ABHD18: variants seen among roughly 807,000 people sequenced by gnomAD.
The protein encoded by ABHD18 is cardiolipin-specific deacylase, mitochondrial.
In ABHD18, 55 loss-of-function variants were observed where a neutral mutation model predicts 65.9. That is an observed-to-expected ratio of 0.84 (90% CI 0.67 to 1.05). The LOEUF (loss-of-function observed/expected upper bound fraction) is 1.05. ABHD18 is among the 50% of genes least tolerant of loss of function. The pLI, the probability that ABHD18 is intolerant of heterozygous loss-of-function variation, is 0.00. For synonymous variants in ABHD18, 181 were observed against 180.2 expected (o/e 1.00, Z -0.04); for missense variants, 533 against 558.5 (o/e 0.95, Z 0.46).
chr4:127,975,636 T>C (rs1298281492), intron 1 of ABHD18, among the ~76,000 whole-genome samples: 1 of 152,220 alleles, frequency 6.6e-6, no homozygotes, highest in East Asian at 1.9e-4. Context: ...AAGAAGCTTC[T>C]GCCAAATTCT....
chr4:127,973,946 G>T (rs1747370669), intron 1 of ABHD18, among the ~76,000 whole-genome samples: 1 of 150,904 alleles, frequency 6.6e-6, no homozygotes, highest in Non-Finnish European at 1.5e-5. Flanking sequence ...GCCTACAGAT[G>T]AAAATGAAGC....
chr4:128,032,945 CTG>C lies in ABHD18; in HGVS notation c.1343+2274_1343+2275del, dbSNP rs765602848. Among the ~76,000 whole-genome samples the C allele has an allele frequency of 4.5e-4, 68 of 152,098 alleles. 1 individual carries two copies. Among genetic ancestry groups the C allele is most frequent in the African/African-American group, 1.6e-3 (66 of 41,424 alleles). On this transcript the variant is annotated intron_variant, in intron 12 of 12. Coordinates refer to ENST00000645843, the MANE Select transcript of ABHD18 (RefSeq NM_001358451.3). ...CAAGAGCAAGTGCCTGGAACTAACT[CTG>C]AGGAAAAAAATTATCCAGTGGGTGG... is the stretch of plus-strand genomic sequence containing the variant.
chr4:128,016,877 G>A (rs72681868), intron 7 of ABHD18, among the ~76,000 whole-genome samples: 3,480 of 152,212 alleles, frequency 0.023, 69 homozygotes, highest in Non-Finnish European at 0.035. Context: ...AGTTTTAGGT[G>A]ATTTGATATG....
intron 10 of ABHD18, among the ~76,000 whole-genome samples, chr4:128,026,972 G>A (rs1314880685): frequency 2.0e-5 from 3 of 151,958 alleles, no homozygotes; most frequent in Non-Finnish European, 2.9e-5. Flanking sequence ...AGTAGAGACA[G>A]AGTTTCACCA....
At chr4:127,983,983 G>A (rs1435395967) in intron 2 of ABHD18, among the ~76,000 whole-genome samples, 2 of 152,240 alleles carry the variant, frequency 1.3e-5, no homozygotes, top group East Asian at 1.9e-4. Context: ...AGGTTGCAGT[G>A]AGCTGAGATT....
chr4:127,978,206 T>C (rs569598195), intron 1 of ABHD18, among the ~76,000 whole-genome samples: 127 of 152,240 alleles, frequency 8.3e-4, no homozygotes, highest in African/African-American at 3.0e-3. Context: ...ACTTCTAGAT[T>C]TTTATTTTTG....
In ABHD18 at chr4:127,965,501, C is replaced by T. The variant is rs767678746; in HGVS notation, c.-123C>T. The T allele has an allele frequency of 2.7e-6, 1 of 371,888 alleles. No homozygotes were observed. Among genetic ancestry groups the T allele is most frequent in the Non-Finnish European group, 5.1e-6 (1 of 195,848 alleles). 23.0% of individuals were successfully genotyped at this position (371,888 alleles called of 1,614,324 possible). A position where few individuals can be genotyped will look rare whatever the true frequency, so the allele number is the denominator to read the frequency against. ...TCGGTTCCTGGAAAGGTTACCGGAGCTGCGATTGGGGCTGGGACCAAAGTT... is the reference window on the plus strand; with the variant it reads ...TCGGTTCCTGGAAAGGTTACCGGAGTTGCGATTGGGGCTGGGACCAAAGTT... On this transcript the variant is annotated 5_prime_UTR_variant, in exon 1 of 13. Coordinates refer to ENST00000645843, the MANE Select transcript of ABHD18 (RefSeq NM_001358451.3).
chr4:128,014,394 G>A (rs1755125585), intron 7 of ABHD18, among the ~76,000 whole-genome samples: 1 of 152,114 alleles, frequency 6.6e-6, no homozygotes, highest in African/African-American at 2.4e-5. Context: ...TCTAGTGAGA[G>A]GCAGCCTGGG....
chr4:127,984,505 A>AT, intron 3 of ABHD18, 82 bp downstream of exon 3: 4 of 660,436 alleles, frequency 6.1e-6, no homozygotes, highest in Non-Finnish European at 1.0e-5. Context: ...ATTGGAGTAT[A>AT]ACAACAATAA....
At chr4:127,987,946 A>C (rs1460446729) in intron 3 of ABHD18, among the ~76,000 whole-genome samples, 1 of 152,136 alleles carries the variant, frequency 6.6e-6, no homozygotes, top group Non-Finnish European at 1.5e-5. Context: ...GTACAATCAG[A>C]TCAGGAATAC....
At chr4:128,024,557 A>G (rs910205435) in intron 10 of ABHD18, among the ~76,000 whole-genome samples, 31 of 152,210 alleles carry the variant, frequency 2.0e-4, no homozygotes, top group African/African-American at 7.0e-4. Context: ...CAATTTATTG[A>G]TGTCCCACTC....
At chr4:127,970,317 G>A (rs949989776) in intron 1 of ABHD18, among the ~76,000 whole-genome samples, 1 of 152,152 alleles carries the variant, frequency 6.6e-6, no homozygotes, top group African/African-American at 2.4e-5. Flanking sequence ...AGTGGGCCCA[G>A]TGTGGTGGCT....
rs777357816 is a variant in ABHD18 at position 128,021,200 on chromosome 4, T to G, written c.763T>G (p.Tyr255Asp). The G allele has an allele frequency of 9.0e-6, 14 of 1,548,468 alleles. No individual in the cohort carries two copies. The highest frequency in any genetic ancestry group is 1.2e-5 in the Non-Finnish European group (14 of 1,145,068). ...AAAGCAATATTATACCCAGACAGTT[T>G]ATGAAGAAGAAATTATTCACATGCT... Reference protein sequence around the residue: ...LEKQYYTQTVYEEEIIHMLEY... With the variant: ...LEKQYYTQTVDEEEIIHMLEY... The change falls in exon 10 of 13, where the codon TAT becomes GAT. Residue 255 changes from tyrosine (Y) to aspartate (D), a missense_variant. This residue lies in a region of ABHD18 where 309 missense variants were observed against 313.5 expected (regional missense o/e 0.99). Transcript: ENST00000645843.
intron 10 of ABHD18, among the ~76,000 whole-genome samples, chr4:128,025,014 T>TA (rs201057667): frequency 2.2e-4 from 33 of 148,924 alleles, no homozygotes; most frequent in Admixed American, 1.1e-3. Context: ...TTCTTTAACT[T>TA]AAAAAAAAAA....
rs200632798 is a variant in ABHD18 at position 127,971,273 on chromosome 4, G to A, written c.-18+5667G>A. Among the ~76,000 whole-genome samples the A allele has an allele frequency of 4.1e-3, 575 of 140,506 alleles. 12 individuals carry two copies. In the East Asian group the frequency reaches 0.075, roughly 18 times the overall value. The allele number at this position is 140,506 out of a possible 152,430, so 92.2% of individuals were successfully genotyped here. A position where few individuals can be genotyped will look rare whatever the true frequency, so the allele number is the denominator to read the frequency against. On this transcript the variant is annotated intron_variant, in intron 1 of 12. Coordinates refer to ENST00000645843, the MANE Select transcript of ABHD18 (RefSeq NM_001358451.3). Reference sequence around the variant, plus strand: ...CTGTCTCAAAAAAAAAAAAAAAAAAGACAATGAAGTCTTGCATTCCAATGA... The same window carrying A: ...CTGTCTCAAAAAAAAAAAAAAAAAAAACAATGAAGTCTTGCATTCCAATGA...
intron 8 of ABHD18, among the ~76,000 whole-genome samples, chr4:128,018,515 T>C (rs905003334): frequency 9.9e-5 from 15 of 152,254 alleles, no homozygotes; most frequent in Non-Finnish European, 2.1e-4. Flanking sequence ...GGCACATCTC[T>C]GTAGTTGTGG....
chr4:127,970,253 G>A (rs922436760), intron 1 of ABHD18, among the ~76,000 whole-genome samples: 1 of 151,894 alleles, frequency 6.6e-6, no homozygotes, highest in Non-Finnish European at 1.5e-5. Context: ...TGCCATGGGT[G>A]TTACAAAGAA....
At position 128,035,866 on chromosome 4, in the gene ABHD18, C is replaced by A; in HGVS notation, c.*53C>A. ...CCATGATGTTTCTTACAAAAGGGAG[C>A]TTCATCCTGTGATCATGTGAAGGAC... On this transcript the variant is annotated 3_prime_UTR_variant, in exon 13 of 13. Transcript: ENST00000645843. 8.7e-7 allele frequency: 1 copy of A among 1,154,634 alleles called. No homozygotes were observed. The highest frequency in any genetic ancestry group is 1.2e-6 in the Non-Finnish European group (1 of 815,368). The allele number at this position is 1,154,634 out of a possible 1,614,324, so 71.5% of individuals were successfully genotyped here.
At chr4:128,001,636 GC>G in intron 4 of ABHD18, 1 of 1,415,442 alleles carries the variant, frequency 7.1e-7, no homozygotes, top group Non-Finnish European at 9.5e-7. Context: ...TTAACCCCTT[GC>G]CTACTTATGC....
Sources: gnomAD v4.1 joint callset for allele counts (sites outside exome capture counted in the v4.1 genomes callset) on GRCh38, gnomAD v4.1.1 for gene constraint, gnomAD v4.1.1 regional missense constraint, MANE v1.5 for transcripts, NCBI Gene and HGNC (gene_info 2026-07-23, HGNC 2026-07-21) for gene names.